Variants in PDCD10 observed in about 807,000 individuals in gnomAD.
The protein encoded by PDCD10 is programmed cell death protein 10.
Under a neutral mutation model 29.2 loss-of-function variants are expected in PDCD10, and 4 were observed. The observed-to-expected ratio is 0.14, with a 90% confidence interval of 0.07 to 0.31. PDCD10 has a LOEUF of 0.31. Ranked by LOEUF, PDCD10 falls within the 10% of genes least tolerant of loss-of-function variation. The pLI is 1.00. For synonymous variants in PDCD10, 70 were observed against 82.2 expected (o/e 0.85, Z 0.80); for missense variants, 183 against 257.9 (o/e 0.71, Z 1.99).
intron 3 of PDCD10, among the ~76,000 whole-genome samples, chr3:167,715,513 C>A (rs941153827): frequency 1.4e-4 from 22 of 151,728 alleles, no homozygotes; most frequent in African/African-American, 4.8e-4. Context: ...GTCACTCTAA[C>A]AAGGGATTAA....
intron 4 of PDCD10, among the ~76,000 whole-genome samples, chr3:167,701,062 C>A (rs1721368253): frequency 6.6e-6 from 1 of 152,092 alleles, no homozygotes; most frequent in Non-Finnish European, 1.5e-5. Context: ...TGCTGCTAAA[C>A]CCTCAAGCCT....
chr3:167,692,145 A>G (rs1274050884), intron 6 of PDCD10, among the ~76,000 whole-genome samples: 1 of 152,228 alleles, frequency 6.6e-6, no homozygotes, highest in South Asian at 2.1e-4. Context: ...AAATTATTTC[A>G]AAACTTTAGA....
intron 2 of PDCD10, among the ~76,000 whole-genome samples, chr3:167,733,513 TTTA>T (rs371727737): frequency 7.9e-4 from 121 of 152,308 alleles, no homozygotes; most frequent in Middle Eastern, 3.4e-3. Flanking sequence ...AGAGCCCAAT[TTTA>T]TTATTTGCAG....
At chr3:167,714,249 T>C (rs920158094) in intron 3 of PDCD10, among the ~76,000 whole-genome samples, 6 of 152,268 alleles carry the variant, frequency 3.9e-5, no homozygotes, top group Admixed American at 2.6e-4. Flanking sequence ...AATCAATCAA[T>C]GTGATACATC....
intron 2 of PDCD10, among the ~76,000 whole-genome samples, chr3:167,729,927 G>T (rs1422701508): frequency 6.6e-6 from 1 of 151,948 alleles, no homozygotes; most frequent in African/African-American, 2.4e-5. Flanking sequence ...AACCCTATAG[G>T]CAACCTGGAT....
intron 5 of PDCD10, 134 bp downstream of exon 5, chr3:167,696,875 A>G (rs1720863271): frequency 6.9e-6 from 5 of 728,808 alleles, no homozygotes; most frequent in Non-Finnish European, 7.6e-6. Flanking sequence ...CACCACCACC[A>G]CCATCATCAT....
chr3:167,721,100 T>A (rs1415980751), intron 2 of PDCD10, among the ~76,000 whole-genome samples: 1 of 152,088 alleles, frequency 6.6e-6, no homozygotes, highest in African/African-American at 2.4e-5. Flanking sequence ...AAAAAAATGA[T>A]CCTAATCATG....
At chr3:167,701,485 G>A (rs922336688) in intron 4 of PDCD10, among the ~76,000 whole-genome samples, 6 of 152,104 alleles carry the variant, frequency 3.9e-5, no homozygotes, top group African/African-American at 4.8e-5. Flanking sequence ...ATGGGCCTCC[G>A]CACCTAGCCT....
rs557129444 is a variant in PDCD10, at chr3:167,688,533, C to CT, written c.396-841dup. 9.2e-5 allele frequency among the ~76,000 whole-genome samples: 14 copies of CT among 152,044 alleles called. No homozygotes were observed. The East Asian group carries it at 2.3e-3, about 25-fold the overall frequency. The stretch of plus-strand genomic sequence containing the variant: ...CTATCCATGCACCATTTTTTCTGAA[C>CT]TTTTTTTTGCCTTTCTAACTAGCCC... On this transcript the variant is annotated intron_variant, in intron 6 of 8. Coordinates refer to ENST00000392750, the MANE Select transcript of PDCD10 (RefSeq NM_007217.4).
intron 3 of PDCD10, among the ~76,000 whole-genome samples, chr3:167,714,463 G>A (rs1722814859): frequency 6.6e-6 from 1 of 151,976 alleles, no homozygotes; most frequent in Non-Finnish European, 1.5e-5. Context: ...ACAAGAGAAA[G>A]AAATAAAAGG....
At chr3:167,703,181 T>G (rs1721615504) in intron 4 of PDCD10, among the ~76,000 whole-genome samples, 1 of 152,076 alleles carries the variant, frequency 6.6e-6, no homozygotes, top group African/African-American at 2.4e-5. Context: ...TCCTTCTTCT[T>G]TTGGCCACAA....
At chr3:167,732,218 AG>A (rs1382243003) in intron 2 of PDCD10, among the ~76,000 whole-genome samples, 1 of 152,210 alleles carries the variant, frequency 6.6e-6, no homozygotes, top group Non-Finnish European at 1.5e-5. Flanking sequence ...ACCAGTTACA[AG>A]TCACTTAACC....
chr3:167,727,710 G>C (rs1229033117), intron 2 of PDCD10, among the ~76,000 whole-genome samples: 3 of 152,132 alleles, frequency 2.0e-5, no homozygotes, highest in African/African-American at 7.2e-5. Flanking sequence ...AAAAGAATCT[G>C]TACCACCCTG....
chr3:167,711,355 A>C (rs1722503132), intron 3 of PDCD10, among the ~76,000 whole-genome samples: 1 of 152,336 alleles, frequency 6.6e-6, no homozygotes, highest in African/African-American at 2.4e-5. Context: ...ATCAAGCAGA[A>C]ATTCTAGAAC....
chr3:167,731,672 T>C (rs1260078171), intron 2 of PDCD10, among the ~76,000 whole-genome samples: 1 of 152,196 alleles, frequency 6.6e-6, no homozygotes, highest in Non-Finnish European at 1.5e-5. Flanking sequence ...GGGTAAAACA[T>C]GACAAATGAG....
At chr3:167,712,492 TA>T (rs1164770678) in intron 3 of PDCD10, among the ~76,000 whole-genome samples, 2 of 150,978 alleles carry the variant, frequency 1.3e-5, no homozygotes, top group Admixed American at 1.3e-4. Context: ...AGCAAAAAAT[TA>T]AAACATACCA....
rs768692341 is a variant in PDCD10, at chr3:167,697,002, C to T, written c.268+7G>A. 1 of 1,379,542 alleles carries T rather than the reference C, an allele frequency of 7.2e-7. No homozygotes were observed. The highest frequency in any genetic ancestry group is 1.2e-5 in the South Asian group (1 of 86,318). 85.5% of individuals were successfully genotyped at this position (1,379,542 alleles called of 1,614,324 possible). On this transcript the variant is annotated splice_region_variant and intron_variant, in intron 5 of 8. Transcript: ENST00000392750. ...TATAACTTAAACAAGGTTCTTCTGT[C>T]CGTTACCTTCTACATCATCAGCTGC...
At chr3:167,691,726 A>G (rs979407743) in intron 6 of PDCD10, among the ~76,000 whole-genome samples, 1 of 152,196 alleles carries the variant, frequency 6.6e-6, no homozygotes, top group African/African-American at 2.4e-5. Context: ...TTTCTTTCAA[A>G]TGGCAGAAAC....
At chr3:167,686,251 A>G (rs1197050239) in intron 8 of PDCD10, among the ~76,000 whole-genome samples, 1 of 152,228 alleles carries the variant, frequency 6.6e-6, no homozygotes, top group Non-Finnish European at 1.5e-5. Flanking sequence ...ATGTTAAAAT[A>G]TATAAAATCT....
Sources: allele counts gnomAD v4.1 joint callset (sites outside exome capture counted in the v4.1 genomes callset), GRCh38; gene constraint gnomAD v4.1.1; transcripts MANE v1.5; gene names NCBI Gene and HGNC (gene_info 2026-07-23, HGNC 2026-07-21).